BNC2: variants seen among roughly 807,000 people sequenced by gnomAD.
BNC2 encodes the protein basonuclin zinc finger protein 2.
In BNC2, 20 loss-of-function variants were observed where a neutral mutation model predicts 76.3. The ratio of observed to expected loss-of-function variants is 0.26; its 90% CI spans 0.18 to 0.38. The LOEUF is 0.38. BNC2 is among the 10% of genes least tolerant of loss of function. BNC2 has a pLI of 1.00. For missense variants in BNC2, 1,382 were observed against 1,399.8 expected, an observed-to-expected ratio of 0.99 and a Z score of 0.20; for synonymous variants, 582 against 514.8, an observed-to-expected ratio of 1.13 and a Z score of -1.77.
intron 3 of BNC2, among the ~76,000 whole-genome samples, chr9:16,634,923 C>T (rs1821278948): frequency 6.6e-6 from 1 of 152,004 alleles, no homozygotes; most frequent in Admixed American, 6.6e-5. Context: ...ATAACACCAG[C>T]AATTTCCTTA....
At chr9:16,720,090 G>A (rs1270791530) in intron 3 of BNC2, among the ~76,000 whole-genome samples, 1 of 152,162 alleles carries the variant, frequency 6.6e-6, no homozygotes, top group Non-Finnish European at 1.5e-5. Context: ...CAGGGCCCCT[G>A]GTTACACGTT....
At chr9:16,541,953 G>A (rs1818334985) in intron 5 of BNC2, among the ~76,000 whole-genome samples, 1 of 151,790 alleles carries the variant, frequency 6.6e-6, no homozygotes, top group African/African-American at 2.4e-5. Flanking sequence ...ATATACGCCA[G>A]TCTTCAAATA....
intron 5 of BNC2, among the ~76,000 whole-genome samples, chr9:16,451,891 G>T (rs1821347904): frequency 6.6e-6 from 1 of 152,168 alleles, no homozygotes; most frequent in South Asian, 2.1e-4. Flanking sequence ...TGCTATGAAT[G>T]TAGGACTTGG....
intron 1 of BNC2, among the ~76,000 whole-genome samples, chr9:16,747,466 T>C (rs148717675): frequency 6.6e-6 from 1 of 152,366 alleles, no homozygotes; most frequent in African/African-American, 2.4e-5. Context: ...CCAGGTACTA[T>C]GCAAAACATA....
intron 4 of BNC2, among the ~76,000 whole-genome samples, chr9:16,553,235 TA>T (rs1356029721): frequency 6.6e-6 from 1 of 152,176 alleles, no homozygotes; most frequent in East Asian, 1.9e-4. Context: ...CCCCTTATAA[TA>T]CCTGAATGGT....
At chr9:16,606,376 G>C (rs894699804) in intron 3 of BNC2, among the ~76,000 whole-genome samples, 1 of 152,086 alleles carries the variant, frequency 6.6e-6, no homozygotes, top group South Asian at 2.1e-4. Context: ...TATTTATATG[G>C]TTTGGCTCTG....
intron 1 of BNC2, among the ~76,000 whole-genome samples, chr9:16,787,672 CGCTTCCTACAGT>C (rs1184256576): frequency 9.9e-5 from 15 of 151,910 alleles, no homozygotes; most frequent in African/African-American, 3.4e-4. Flanking sequence ...CTCTGGCCAC[CGCTTCCTACAGT>C]GCTTCCCCTC....
intron 1 of BNC2, among the ~76,000 whole-genome samples, chr9:16,762,787 A>G (rs1363138970): frequency 6.6e-6 from 1 of 152,190 alleles, no homozygotes; most frequent in African/African-American, 2.4e-5. Context: ...TTAGCATTAA[A>G]AAGTGCCCCC....
intron 3 of BNC2, among the ~76,000 whole-genome samples, chr9:16,715,100 G>A (rs538543767): frequency 2.6e-5 from 4 of 152,240 alleles, no homozygotes; most frequent in South Asian, 4.1e-4. Context: ...AGAATCTACC[G>A]CTTTAAGGTG....
rs183539062 is a variant in BNC2 at position 16,821,947 on chromosome 9, G to C, written c.3+48699C>G. On this transcript the variant is annotated intron_variant, in intron 1 of 6. Transcript: ENST00000380672. The stretch of plus-strand genomic sequence containing the variant: ...TCTCTACTAAAAATACAAAAAGTTA[G>C]CCAGGTGCGGTGGCGGGCGCCTGGA... 9.9e-5 allele frequency among the ~76,000 whole-genome samples: 15 copies of C among 152,052 alleles called. No homozygotes were observed. The East Asian group carries it at 2.7e-3, about 28-fold the overall frequency.
chr9:16,550,836 A>G (rs1818639016), intron 5 of BNC2, among the ~76,000 whole-genome samples: 2 of 152,210 alleles, frequency 1.3e-5, no homozygotes, highest in Admixed American at 1.3e-4. Flanking sequence ...CCAAGCTAAC[A>G]GTTCCATACA....
chr9:16,505,876 T>C (rs978655005), intron 5 of BNC2, among the ~76,000 whole-genome samples: 1 of 152,198 alleles, frequency 6.6e-6, no homozygotes, highest in Admixed American at 6.5e-5. Flanking sequence ...TTAGCACATT[T>C]GTAGGACAGT....
chr9:16,603,889 A>T lies in BNC2; in HGVS notation c.331-20804T>A, dbSNP rs948603808. Among the ~76,000 whole-genome samples the T allele has an allele frequency of 3.5e-4, 17 of 48,262 alleles. No individual in the cohort carries two copies. In the East Asian group the frequency reaches 0.044, roughly 124 times the overall value. The allele number at this position is 48,262 out of a possible 152,430, so 31.7% of individuals were successfully genotyped here. On this transcript the variant is annotated intron_variant, in intron 3 of 6. Coordinates refer to ENST00000380672, the MANE Select transcript of BNC2 (RefSeq NM_017637.6). ...TTCTCTTAAAAATTAGGTATTTTATAAAAAAACATTCTGTCACAGTACTGC... is the reference window on the plus strand; with the variant it reads ...TTCTCTTAAAAATTAGGTATTTTATTAAAAAACATTCTGTCACAGTACTGC...
intron 3 of BNC2, among the ~76,000 whole-genome samples, chr9:16,726,344 T>C (rs955913043): frequency 6.6e-6 from 1 of 152,188 alleles, no homozygotes; most frequent in Non-Finnish European, 1.5e-5. Context: ...ATATACCTTA[T>C]TCAAATGCAT....
At chr9:16,849,151 T>C (rs1249146555) in intron 1 of BNC2, among the ~76,000 whole-genome samples, 1 of 152,058 alleles carries the variant, frequency 6.6e-6, no homozygotes, top group Non-Finnish European at 1.5e-5. Context: ...CAGGGAGGAA[T>C]GAAGAAACAA....
At position 16,578,389 on chromosome 9, in the gene BNC2, G is replaced by A. The variant is rs543797426; in HGVS notation, c.433+4594C>T. ...AATATTAAACAATAAAAATGGTTTC[G>A]TGCAGCAGTCCTCAACCTTTACATC... On this transcript the variant is annotated intron_variant, in intron 4 of 6. Coordinates refer to ENST00000380672, the MANE Select transcript of BNC2 (RefSeq NM_017637.6). Among the ~76,000 whole-genome samples, 11 of 152,060 alleles carry A rather than the reference G, an allele frequency of 7.2e-5. No homozygotes were observed. The South Asian group carries it at 1.2e-3, about 17-fold the overall frequency.
intron 3 of BNC2, among the ~76,000 whole-genome samples, chr9:16,591,583 A>G (rs913812356): frequency 6.6e-6 from 1 of 152,220 alleles, no homozygotes; most frequent in Non-Finnish European, 1.5e-5. Context: ...TGAACAATGC[A>G]CACAGAATTT....
intron 5 of BNC2, among the ~76,000 whole-genome samples, chr9:16,497,640 C>T (rs1020365628): frequency 6.6e-6 from 1 of 151,978 alleles, no homozygotes; most frequent in Non-Finnish European, 1.5e-5. Flanking sequence ...GTATAAAAAT[C>T]GCTCTAAAGA....
chr9:16,511,853 G>C (rs1208890059), intron 5 of BNC2, among the ~76,000 whole-genome samples: 1 of 152,110 alleles, frequency 6.6e-6, no homozygotes, highest in Non-Finnish European at 1.5e-5. Context: ...ACAAGCACAA[G>C]GCCATCACAC....
Sources: gnomAD v4.1 joint callset for allele counts (sites outside exome capture counted in the v4.1 genomes callset) on GRCh38, gnomAD v4.1.1 for gene constraint, MANE v1.5 for transcripts, NCBI Gene and HGNC (gene_info 2026-07-23, HGNC 2026-07-21) for gene names.